QRFPR: variants seen among roughly 807,000 people sequenced by gnomAD.
The protein encoded by QRFPR is pyroglutamylated RFamide peptide receptor.
A neutral mutation model predicts 31.3 loss-of-function variants in QRFPR; 37 were observed. That is an observed-to-expected ratio of 1.18 (90% CI 0.91 to 1.56). QRFPR has a LOEUF of 1.56. QRFPR is among the 40% of genes most tolerant of loss of function. The pLI is 0.00. For missense variants in QRFPR, 542 were observed against 532.5 expected, an observed-to-expected ratio of 1.02 and a Z score of -0.18; for synonymous variants, 197 against 192.0, an observed-to-expected ratio of 1.03 and a Z score of -0.22.
chr4:121,329,938 A>G (rs147941141), intron 5 of QRFPR, among the ~76,000 whole-genome samples: 1 of 152,208 alleles, frequency 6.6e-6, no homozygotes, highest in Admixed American at 6.5e-5. Context: ...GGTGTCCAGC[A>G]TATAGTAGGG....
intron 1 of QRFPR, among the ~76,000 whole-genome samples, chr4:121,344,987 C>T (rs1431763240): frequency 6.6e-6 from 1 of 152,116 alleles, no homozygotes; most frequent in African/African-American, 2.4e-5. Flanking sequence ...TTTTTCCTTA[C>T]AGGATAATTA....
intron 1 of QRFPR, among the ~76,000 whole-genome samples, chr4:121,362,612 G>A (rs1726014826): frequency 6.7e-6 from 1 of 150,076 alleles, no homozygotes; most frequent in African/African-American, 2.5e-5. Context: ...GTGTGGTATT[G>A]GGGAAAGAAC....
intron 2 of QRFPR, chr4:121,340,207 C>T (rs914129695): frequency 2.0e-5 from 9 of 454,528 alleles, no homozygotes; most frequent in Non-Finnish European, 3.2e-5. Context: ...GAACATAGTG[C>T]TTAAACGTTT....
At chr4:121,330,584 T>C in intron 4 of QRFPR, 61 bp from the exon 5 acceptor site, 4 of 1,219,934 alleles carry the variant, frequency 3.3e-6, no homozygotes, top group South Asian at 1.2e-5. Context: ...GCCAGCTTGA[T>C]AGCAAAGCTA....
intron 1 of QRFPR, among the ~76,000 whole-genome samples, chr4:121,357,985 C>T (rs1220379213): frequency 2.0e-5 from 3 of 152,134 alleles, no homozygotes; most frequent in Non-Finnish European, 4.4e-5. Context: ...TAAATACAGG[C>T]TGTGCAACAT....
chr4:121,356,726 G>C (rs1350850240), intron 1 of QRFPR, among the ~76,000 whole-genome samples: 1 of 152,084 alleles, frequency 6.6e-6, no homozygotes, highest in Non-Finnish European at 1.5e-5. Context: ...AAAGTCTCCA[G>C]CTCTCCTCTC....
At chr4:121,332,754 G>A (rs1212319828) in intron 4 of QRFPR, 67 bp downstream of exon 4, 2 of 1,242,902 alleles carry the variant, frequency 1.6e-6, no homozygotes, top group Non-Finnish European at 2.3e-6. Flanking sequence ...GAGAGCCCTG[G>A]CAACCATCCC....
intron 1 of QRFPR, among the ~76,000 whole-genome samples, chr4:121,352,478 C>A (rs1436863951): frequency 6.6e-6 from 1 of 152,028 alleles, no homozygotes; most frequent in Non-Finnish European, 1.5e-5. Context: ...GTAAGGAAAA[C>A]CTCAGACTTT....
chr4:121,332,167 C>CA (rs1553945668), intron 4 of QRFPR, among the ~76,000 whole-genome samples: 1 of 151,674 alleles, frequency 6.6e-6, no homozygotes, highest in Admixed American at 6.6e-5. Flanking sequence ...CCATTTAAGG[C>CA]TTTTTTTTGC....
intron 1 of QRFPR, among the ~76,000 whole-genome samples, chr4:121,376,238 T>C (rs1726350465): frequency 6.6e-6 from 1 of 152,196 alleles, no homozygotes; most frequent in Admixed American, 6.5e-5. Flanking sequence ...TTCTGCTAGC[T>C]CCATGTTGGA....
chr4:121,380,311 C>A lies in QRFPR; in HGVS notation c.337G>T (p.Gly113Trp). ...MLQNISDNWL[G>W]GAFICKMVPF... Reference sequence around the variant, plus strand: ...AGGAGCGGGGCGCGACTCTTACCCCCCAGCCAGTTGTCGGAAATGTTCTGG... The same window carrying A: ...AGGAGCGGGGCGCGACTCTTACCCCACAGCCAGTTGTCGGAAATGTTCTGG... The change falls in exon 1 of 6, where the codon GGG becomes TGG. Residue 113 changes from glycine to tryptophan, a missense_variant. Physicochemically the swap from Gly to Trp is radical, Grantham distance 184. Coordinates refer to ENST00000394427, the MANE Select transcript of QRFPR (RefSeq NM_198179.3). The A allele has an allele frequency of 6.2e-7, 1 of 1,611,270 alleles. No individual in the cohort carries two copies. The highest frequency in any genetic ancestry group is 8.5e-7 in the Non-Finnish European group (1 of 1,178,414).
intron 1 of QRFPR, among the ~76,000 whole-genome samples, chr4:121,378,945 G>C (rs995748279): frequency 2.0e-5 from 3 of 152,118 alleles, no homozygotes; most frequent in African/African-American, 7.2e-5. Flanking sequence ...CAAACATTTA[G>C]AAATGAAAAC....
intron 1 of QRFPR, among the ~76,000 whole-genome samples, chr4:121,378,533 C>T (rs1169895020): frequency 2.0e-5 from 3 of 151,754 alleles, no homozygotes; most frequent in Non-Finnish European, 4.4e-5. Flanking sequence ...CCTGCCTCAA[C>T]CTCCTGAGCA....
chr4:121,347,798 T>C (rs1195049329), intron 1 of QRFPR, among the ~76,000 whole-genome samples: 2 of 152,158 alleles, frequency 1.3e-5, no homozygotes, highest in Non-Finnish European at 2.9e-5. Context: ...TCCCTTGGCC[T>C]ACTTTTTAAT....
chr4:121,347,529 G>C (rs1005799109), intron 1 of QRFPR, among the ~76,000 whole-genome samples: 1 of 152,010 alleles, frequency 6.6e-6, no homozygotes, highest in Non-Finnish European at 1.5e-5. Flanking sequence ...AAGGTTTTAG[G>C]GGATGTATTT....
chr4:121,379,708 T>C (rs1295999881), intron 1 of QRFPR, among the ~76,000 whole-genome samples: 1 of 152,226 alleles, frequency 6.6e-6, no homozygotes, highest in African/African-American at 2.4e-5. Flanking sequence ...TCTTCCTGCA[T>C]GACACTTAAT....
intron 1 of QRFPR, among the ~76,000 whole-genome samples, chr4:121,371,632 C>G (rs1579591167): frequency 6.6e-6 from 1 of 152,184 alleles, no homozygotes; most frequent in East Asian, 1.9e-4. Flanking sequence ...CCTGAGAAAC[C>G]TAGTGCAGGG....
rs555886639 is a variant in QRFPR, at chr4:121,372,742, G to C, written c.340+7566C>G. ...GCTTTCAAAGTTCATCCATGTTGTA[G>C]TAAGTATCAGAACTTCATTCCCTTT... is the stretch of plus-strand genomic sequence containing the variant. On this transcript the variant is annotated intron_variant, in intron 1 of 5. Coordinates refer to ENST00000394427, the MANE Select transcript of QRFPR (RefSeq NM_198179.3). 5.9e-5 allele frequency among the ~76,000 whole-genome samples: 9 copies of C among 152,294 alleles called. No homozygotes were observed. The South Asian group carries it at 1.7e-3, about 28-fold the overall frequency.
chr4:121,344,391 C>A (rs2110471843), intron 1 of QRFPR, among the ~76,000 whole-genome samples: 1 of 152,296 alleles, frequency 6.6e-6, no homozygotes, highest in East Asian at 1.9e-4. Context: ...AATTTCACAC[C>A]AAGCTATAGT....
Sources: gnomAD v4.1 joint callset for allele counts (sites outside exome capture counted in the v4.1 genomes callset) on GRCh38, gnomAD v4.1.1 for gene constraint, MANE v1.5 for transcripts, NCBI Gene and HGNC (gene_info 2026-07-23, HGNC 2026-07-21) for gene names.